CD300LD: variants seen among roughly 807,000 people sequenced by gnomAD.
The protein encoded by CD300LD is CMRF35-like molecule 5.
Under a neutral mutation model 20.3 loss-of-function variants are expected in CD300LD, and 18 were observed. That is an observed-to-expected ratio of 0.89 (90% CI 0.61 to 1.32). CD300LD has a LOEUF of 1.32. CD300LD is among the 40% of genes most tolerant of loss of function. CD300LD has a pLI of 0.00. For missense variants in CD300LD, 195 were observed against 226.6 expected, an observed-to-expected ratio of 0.86 and a Z score of 0.90; for synonymous variants, 104 against 90.1, an observed-to-expected ratio of 1.15 and a Z score of -0.87.
At chr17:74,590,515 C>A (rs911197945) in intron 1 of CD300LD, 4 of 151,232 alleles carry the variant, frequency 2.6e-5, no homozygotes, top group African/African-American at 9.7e-5. Flanking sequence ...TCTTGAAAAA[C>A]CAGGGTCACC....
chr17:74,588,434 AT>A, intron 2 of CD300LD, 76 bp downstream of exon 2: 1 of 914,356 alleles, frequency 1.1e-6, no homozygotes, highest in Non-Finnish European at 1.7e-6. Context: ...GTGACAGTTA[AT>A]TTACTCAAGT....
intron 2 of CD300LD, among the ~76,000 whole-genome samples, chr17:74,587,600 T>A (rs546831425): frequency 6.6e-6 from 1 of 152,236 alleles, no homozygotes; most frequent in African/African-American, 2.4e-5. Context: ...ATATTATCTG[T>A]GTTCTGATGT....
At chr17:74,589,490 A>C (rs897693651) in intron 1 of CD300LD, among the ~76,000 whole-genome samples, 68 of 152,356 alleles carry the variant, frequency 4.5e-4, no homozygotes, top group Middle Eastern at 3.4e-3. Flanking sequence ...GCACCCATTC[A>C]ACACCCTTCT....
intron 1 of CD300LD, 139 bp downstream of exon 1, chr17:74,592,024 C>T: frequency 3.2e-6 from 5 of 1,572,976 alleles, no homozygotes; most frequent in Non-Finnish European, 4.3e-6. Context: ...AACTTGATTG[C>T]TATTTAATGA....
intron 2 of CD300LD, among the ~76,000 whole-genome samples, chr17:74,586,156 A>C (rs2030153066): frequency 6.6e-6 from 1 of 152,216 alleles, no homozygotes; most frequent in Admixed American, 6.5e-5. Flanking sequence ...GCAGATTGTA[A>C]ATGTGCACTG....
intron 1 of CD300LD, 118 bp downstream of exon 1, chr17:74,592,045 G>A: frequency 1.9e-6 from 3 of 1,606,028 alleles, no homozygotes; most frequent in East Asian, 2.2e-5. Flanking sequence ...ATATGGGCAT[G>A]GATGGATGAA....
chr17:74,582,770 C>T (rs758268082), intron 2 of CD300LD, among the ~76,000 whole-genome samples: 2 of 152,122 alleles, frequency 1.3e-5, no homozygotes, highest in African/African-American at 2.4e-5. Context: ...CCTCTCTGGC[C>T]GTTTCCTGTC....
chr17:74,583,322 G>T (rs535821923), intron 2 of CD300LD, among the ~76,000 whole-genome samples: 4 of 152,178 alleles, frequency 2.6e-5, no homozygotes, highest in Non-Finnish European at 4.4e-5. Flanking sequence ...GACTGGTATC[G>T]TTCTCTGAAG....
At chr17:74,588,878 C>T (rs763857125) in intron 1 of CD300LD, 29 bp from the exon 2 acceptor site, 2 of 1,542,336 alleles carry the variant, frequency 1.3e-6, no homozygotes, top group Non-Finnish European at 1.8e-6. Flanking sequence ...TGTGTCGTCA[C>T]CTCCCACCCC....
At chr17:74,591,919 G>T in intron 1 of CD300LD, 1 of 1,096,700 alleles carries the variant, frequency 9.1e-7, no homozygotes, top group South Asian at 1.5e-5. Context: ...AACAGTCAGG[G>T]TTGAGAACCA....
intron 2 of CD300LD, among the ~76,000 whole-genome samples, chr17:74,585,174 G>A (rs7216200): frequency 0.23 from 35,213 of 152,080 alleles, 5,223 homozygotes; most frequent in African/African-American, 0.42. Context: ...TACATAACCC[G>A]TGGTTTCCAC....
At position 74,580,034 on chromosome 17, in the gene CD300LD, G is replaced by A. The variant is rs373031911; in HGVS notation, c.553C>T (p.Leu185Phe). ...PLLLSMLGTV[L>F]WVNRPQRRS ...CTTCTTTGTGGTCTGTTTACCCAGAGGACGGTCCCCAGCATGCTCAGGAGC... is the reference window on the plus strand; with the variant it reads ...CTTCTTTGTGGTCTGTTTACCCAGAAGACGGTCCCCAGCATGCTCAGGAGC... The change falls in exon 4 of 4, where the codon CTC becomes TTC. Residue 185 changes from leucine (L) to phenylalanine (F), a missense_variant. Leu to Phe is a conservative substitution (Grantham distance 22). Transcript: ENST00000375352. The A allele has an allele frequency of 1.2e-6, 2 of 1,613,104 alleles. No individual in the cohort carries two copies. Among genetic ancestry groups the A allele is most frequent in the African/African-American group, 2.7e-5 (2 of 74,916 alleles).
chr17:74,588,388 C>G (rs2030218312), intron 2 of CD300LD, 123 bp downstream of exon 2: 6 of 650,950 alleles, frequency 9.2e-6, no homozygotes, highest in East Asian at 2.6e-5. Flanking sequence ...AGCAAGACCT[C>G]AGGACTCAGA....
chr17:74,590,935 G>T (rs1274473442), intron 1 of CD300LD, among the ~76,000 whole-genome samples: 1 of 151,884 alleles, frequency 6.6e-6, no homozygotes, highest in Non-Finnish European at 1.5e-5. Flanking sequence ...GCTGGGTGTC[G>T]CACCACATGC....
chr17:74,586,518 C>T (rs941261656), intron 2 of CD300LD, among the ~76,000 whole-genome samples: 1 of 152,108 alleles, frequency 6.6e-6, no homozygotes, highest in African/African-American at 2.4e-5. Flanking sequence ...TGTCGGGAAA[C>T]GAGAAGGGGG....
chr17:74,588,941 CTTATAACAG>C (rs1279907515), intron 1 of CD300LD, 92 bp from the exon 2 acceptor site: 12 of 821,250 alleles, frequency 1.5e-5, no homozygotes, highest in Non-Finnish European at 2.4e-5. Flanking sequence ...ATCCAACTGC[CTTATAACAG>C]TCAAGGAAGC....
chr17:74,589,076 T>C (rs1318096069), intron 1 of CD300LD, among the ~76,000 whole-genome samples: 2 of 152,242 alleles, frequency 1.3e-5, no homozygotes, highest in Non-Finnish European at 2.9e-5. Flanking sequence ...AATGTTGGCA[T>C]TGAGCAATAA....
At chr17:74,592,085 C>T (rs773205274) in intron 1 of CD300LD, 78 bp downstream of exon 1, 34 of 1,613,220 alleles carry the variant, frequency 2.1e-5, no homozygotes, top group Non-Finnish European at 2.9e-5. Flanking sequence ...TGACATGTCT[C>T]CTTCCTGAGA....
At chr17:74,586,032 A>G (rs757744102) in intron 2 of CD300LD, among the ~76,000 whole-genome samples, 3 of 152,218 alleles carry the variant, frequency 2.0e-5, no homozygotes, top group African/African-American at 7.2e-5. Flanking sequence ...ATATCATGTA[A>G]GGGTGGCCAA....
Sources: allele counts gnomAD v4.1 joint callset (sites outside exome capture counted in the v4.1 genomes callset), GRCh38; gene constraint gnomAD v4.1.1; transcripts MANE v1.5; gene names NCBI Gene and HGNC (gene_info 2026-07-23, HGNC 2026-07-21).